Variants in CA10 observed in about 807,000 individuals in gnomAD.
The protein encoded by CA10 is carbonic anhydrase 10 (inactive), also known as carbonic anhydrase-related protein 10.
CA10 carries 14 observed loss-of-function variants against 44.2 expected under a neutral mutation model. That is an observed-to-expected ratio of 0.32 (90% confidence interval 0.21 to 0.50). The LOEUF is 0.50. Ranked by LOEUF, CA10 falls within the 20% of genes least tolerant of loss-of-function variation. The pLI is 0.99. For synonymous variants in CA10, 159 were observed against 141.6 expected (o/e 1.12, Z -0.87); for missense variants, 350 against 409.7 (o/e 0.85, Z 1.26).
chr17:51,710,627 T>C (rs1248863274), intron 4 of CA10, among the ~76,000 whole-genome samples: 4 of 152,004 alleles, frequency 2.6e-5, no homozygotes, highest in Non-Finnish European at 5.9e-5. Context: ...AGAAGAGTGA[T>C]TAAAGGAGAA....
chr17:51,816,370 T>C (rs979290597), intron 3 of CA10, among the ~76,000 whole-genome samples: 26 of 152,254 alleles, frequency 1.7e-4, no homozygotes, highest in African/African-American at 5.5e-4. Context: ...AGTGCTGCAA[T>C]AGATATGGGA....
chr17:51,694,560 G>T (rs1175579851), intron 4 of CA10, among the ~76,000 whole-genome samples: 3 of 145,656 alleles, frequency 2.1e-5, no homozygotes, highest in African/African-American at 7.8e-5. Context: ...TCAGAGCTTT[G>T]TTGGATGCAT....
At chr17:51,724,385 G>C (rs1293859401) in intron 4 of CA10, among the ~76,000 whole-genome samples, 1 of 152,178 alleles carries the variant, frequency 6.6e-6, no homozygotes, top group African/African-American at 2.4e-5. Flanking sequence ...CAAATAACCT[G>C]AATGTTCAGA....
intron 1 of CA10, among the ~76,000 whole-genome samples, chr17:52,143,070 T>C (rs1989515417): frequency 6.6e-6 from 1 of 152,224 alleles, no homozygotes; most frequent in African/African-American, 2.4e-5. Context: ...TTTATCTTCC[T>C]ATGAATTATT....
At chr17:51,729,905 A>G (rs1449588220) in intron 4 of CA10, among the ~76,000 whole-genome samples, 1 of 152,254 alleles carries the variant, frequency 6.6e-6, no homozygotes, top group African/African-American at 2.4e-5. Context: ...TGGCCAATGA[A>G]TCAGCATAGA....
intron 4 of CA10, among the ~76,000 whole-genome samples, chr17:51,676,474 C>A (rs543526027): frequency 3.9e-5 from 6 of 152,196 alleles, no homozygotes; most frequent in African/African-American, 7.2e-5. Flanking sequence ...TCTGGGGCCC[C>A]ACCCAGACCT....
intron 2 of CA10, among the ~76,000 whole-genome samples, chr17:51,984,613 G>T (rs1598152664): frequency 6.6e-6 from 1 of 151,878 alleles, no homozygotes; most frequent in Middle Eastern, 3.4e-3. Flanking sequence ...CAGACTATTA[G>T]CAAGATTAAG....
intron 4 of CA10, among the ~76,000 whole-genome samples, chr17:51,725,988 C>T (rs992094905): frequency 5.3e-5 from 8 of 151,628 alleles, no homozygotes; most frequent in Admixed American, 2.0e-4. Flanking sequence ...ATTCACCTGT[C>T]GGGGAGTGAA....
At chr17:51,666,845 T>C (rs1445295647) in intron 4 of CA10, among the ~76,000 whole-genome samples, 1 of 152,168 alleles carries the variant, frequency 6.6e-6, no homozygotes, top group Non-Finnish European at 1.5e-5. Flanking sequence ...TCTGAAAAAT[T>C]GGGAAAAGCA....
At chr17:51,972,479 A>G (rs1367491762) in intron 2 of CA10, among the ~76,000 whole-genome samples, 1 of 152,078 alleles carries the variant, frequency 6.6e-6, no homozygotes, top group Non-Finnish European at 1.5e-5. Context: ...TACAGAGATT[A>G]ATAAGAACTG....
chr17:52,035,028 A>G (rs1174600836), intron 2 of CA10, among the ~76,000 whole-genome samples: 1 of 152,200 alleles, frequency 6.6e-6, no homozygotes, highest in Non-Finnish European at 1.5e-5. Flanking sequence ...ACTGATAGGG[A>G]CAGGAGGCAG....
chr17:51,817,949 T>C (rs1205237897), intron 3 of CA10, among the ~76,000 whole-genome samples: 2 of 152,256 alleles, frequency 1.3e-5, no homozygotes, highest in Non-Finnish European at 2.9e-5. Context: ...CTTGATTCCA[T>C]GTCCAGCAGT....
At chr17:52,081,024 G>A (rs986754758) in intron 1 of CA10, among the ~76,000 whole-genome samples, 7 of 152,166 alleles carry the variant, frequency 4.6e-5, no homozygotes, top group African/African-American at 1.7e-4. Context: ...TGTGGGTTTT[G>A]CTGTTAAGTA....
chr17:51,866,270 G>T (rs915814387), intron 3 of CA10, among the ~76,000 whole-genome samples: 2 of 152,202 alleles, frequency 1.3e-5, no homozygotes, highest in Non-Finnish European at 2.9e-5. Context: ...TGAGCAGGAA[G>T]AAGACTCTGA....
intron 3 of CA10, among the ~76,000 whole-genome samples, chr17:51,782,486 T>G (rs1906102858): frequency 6.6e-6 from 1 of 152,230 alleles, no homozygotes; most frequent in East Asian, 1.9e-4. Context: ...GAATCTTCCT[T>G]TTAACAATGG....
At chr17:52,019,059 G>A (rs1364656892) in intron 2 of CA10, among the ~76,000 whole-genome samples, 1 of 152,024 alleles carries the variant, frequency 6.6e-6, no homozygotes, top group Non-Finnish European at 1.5e-5. Flanking sequence ...GGAAGCTTCT[G>A]GGGGCCATCA....
At chr17:52,079,872 G>A (rs762721119) in intron 1 of CA10, among the ~76,000 whole-genome samples, 1 of 152,104 alleles carries the variant, frequency 6.6e-6, no homozygotes, top group East Asian at 1.9e-4. Context: ...TCCTGAATTC[G>A]CAAGACAGGA....
intron 1 of CA10, among the ~76,000 whole-genome samples, chr17:52,092,115 CTCCTT>C (rs1360033992): frequency 6.6e-6 from 1 of 152,142 alleles, no homozygotes. Context: ...TTCTGACTCT[CTCCTT>C]TGTCTGTTTC....
intron 1 of CA10, among the ~76,000 whole-genome samples, chr17:52,112,405 T>G (rs968411152): frequency 6.6e-6 from 1 of 152,228 alleles, no homozygotes; most frequent in Non-Finnish European, 1.5e-5. Flanking sequence ...CCCATTCATT[T>G]ACATATTGCC....
Sources: gnomAD v4.1 joint callset for allele counts (sites outside exome capture counted in the v4.1 genomes callset) on GRCh38, gnomAD v4.1.1 for gene constraint, MANE v1.5 for transcripts, NCBI Gene and HGNC (gene_info 2026-07-23, HGNC 2026-07-21) for gene names.